BRD10: variants seen among roughly 807,000 people sequenced by gnomAD.
The protein encoded by BRD10 is bromodomain containing 10, also known as uncharacterized bromodomain-containing protein 10.
At chr9:5,968,525 T>C in the BRD10 span, 15 of 1,613,202 alleles carry the variant, frequency 9.3e-6, no homozygotes, top group Admixed American at 1.7e-5. Flanking sequence ...TCTAATTTCA[T>C]AGTTGGATTT....
chr9:5,973,335 T>C, the BRD10 span, among the ~76,000 whole-genome samples: 3 of 152,004 alleles, frequency 2.0e-5, no homozygotes, highest in Non-Finnish European at 2.9e-5. Flanking sequence ...GGCGTAGTGG[T>C]ACACGCCTGC....
At chr9:5,919,031 TCA>T in the BRD10 span, 1 of 152,582 alleles carries the variant, frequency 6.6e-6, no homozygotes, top group Non-Finnish European at 1.5e-5. Context: ...ATACAGCAAC[TCA>T]GTTTATTACA....
At chr9:5,922,367 T>C in the BRD10 span, 11 of 1,613,854 alleles carry the variant, frequency 6.8e-6, no homozygotes, top group African/African-American at 1.3e-5. Context: ...ATTCTTGGCT[T>C]TTCCTGCCTC....
the BRD10 span, among the ~76,000 whole-genome samples, chr9:5,951,648 G>C: frequency 6.6e-6 from 1 of 152,154 alleles, no homozygotes; most frequent in African/African-American, 2.4e-5. Context: ...GGCAGGGAAT[G>C]AATTCACTTT....
At chr9:5,976,510 G>A in the BRD10 span, among the ~76,000 whole-genome samples, 1 of 152,088 alleles carries the variant, frequency 6.6e-6, no homozygotes, top group Non-Finnish European at 1.5e-5. Context: ...ACTGATTTTG[G>A]TTAATCTTGT....
the BRD10 span, among the ~76,000 whole-genome samples, chr9:5,975,358 GA>G: frequency 5.8e-5 from 8 of 136,800 alleles, no homozygotes; most frequent in East Asian, 1.4e-3. Flanking sequence ...AGAATCGCTT[GA>G]ACCTGGGAAG....
chr9:5,989,170 T>C, the BRD10 span, among the ~76,000 whole-genome samples: 6 of 144,468 alleles, frequency 4.2e-5, no homozygotes, highest in Admixed American at 4.4e-4. Flanking sequence ...AGGCAGAGGT[T>C]GTGGTGAGCC....
At chr9:5,994,738 C>T in the BRD10 span, among the ~76,000 whole-genome samples, 1 of 152,140 alleles carries the variant, frequency 6.6e-6, no homozygotes, top group African/African-American at 2.4e-5. Context: ...CCCTTCACTC[C>T]TATACTTCTC....
chr9:5,901,598 A>T, the BRD10 span, among the ~76,000 whole-genome samples: 1 of 151,852 alleles, frequency 6.6e-6, no homozygotes, highest in Non-Finnish European at 1.5e-5. Context: ...AGCTTACTGT[A>T]ACCTTCACCT....
the BRD10 span, among the ~76,000 whole-genome samples, chr9:5,936,860 C>G: frequency 6.6e-5 from 10 of 152,076 alleles, no homozygotes; most frequent in African/African-American, 2.4e-4. Flanking sequence ...GAAGACAATA[C>G]AAATTTATTG....
the BRD10 span, among the ~76,000 whole-genome samples, chr9:5,888,303 G>A: frequency 6.6e-6 from 1 of 152,198 alleles, no homozygotes; most frequent in African/African-American, 2.4e-5. Context: ...ATTATTAGGT[G>A]AGTGCAAAAG....
the BRD10 span, chr9:5,906,954 C>A: frequency 2.5e-6 from 4 of 1,599,814 alleles, no homozygotes; most frequent in Non-Finnish European, 1.7e-6. Context: ...GTTTGATCAT[C>A]GGGACAGCAA....
chr9:5,964,057 G>C, the BRD10 span, among the ~76,000 whole-genome samples: 1 of 151,992 alleles, frequency 6.6e-6, no homozygotes, highest in African/African-American at 2.4e-5. Flanking sequence ...TGACAAATGG[G>C]ATCTAATTCA....
the BRD10 span, chr9:5,924,980 T>C: frequency 6.7e-6 from 4 of 595,236 alleles, no homozygotes; most frequent in Non-Finnish European, 1.0e-5. Flanking sequence ...ATCTTAAGTG[T>C]GTCTAAGATG....
chr9:5,924,998 C>A, the BRD10 span, among the ~76,000 whole-genome samples: 2 of 152,176 alleles, frequency 1.3e-5, no homozygotes, highest in Non-Finnish European at 2.9e-5. Flanking sequence ...ATGCTTAGTT[C>A]AGTCTTGCCA....
At chr9:5,929,887 C>T in the BRD10 span, among the ~76,000 whole-genome samples, 23 of 152,120 alleles carry the variant, frequency 1.5e-4, no homozygotes, top group Non-Finnish European at 2.5e-4. Context: ...GGTCCTATAA[C>T]TTAAACCCGT....
the BRD10 span, among the ~76,000 whole-genome samples, chr9:5,914,800 A>G: frequency 6.6e-6 from 1 of 152,136 alleles, no homozygotes; most frequent in African/African-American, 2.4e-5. Flanking sequence ...GATCCATTTA[A>G]GTACTGTATT....
At chr9:5,953,767 C>G in the BRD10 span, among the ~76,000 whole-genome samples, 1 of 151,280 alleles carries the variant, frequency 6.6e-6, no homozygotes, top group East Asian at 1.9e-4. Context: ...AGGAAATGTA[C>G]TAGTAGAGAT....
the BRD10 span, among the ~76,000 whole-genome samples, chr9:5,958,607 G>A: frequency 3.9e-5 from 6 of 152,094 alleles, no homozygotes. Context: ...GCAACATAGC[G>A]AGATCCTGTC....
Sources: allele counts gnomAD v4.1 joint callset (sites outside exome capture counted in the v4.1 genomes callset), GRCh38; gene constraint gnomAD v4.1.1; transcripts MANE v1.5; gene names NCBI Gene and HGNC (gene_info 2026-07-23, HGNC 2026-07-21).